RBFOX1: variants seen among roughly 807,000 people sequenced by gnomAD.
RBFOX1 encodes RNA binding fox-1 homolog 1.
RBFOX1 carries 8 observed loss-of-function variants against 57.7 expected under a neutral mutation model. The ratio of observed to expected loss-of-function variants is 0.14; its 90% CI spans 0.08 to 0.25. The LOEUF is 0.25. Ranked by LOEUF, RBFOX1 falls within the 10% of genes least tolerant of loss-of-function variation. The pLI is 1.00. For missense variants in RBFOX1, 611 were observed against 548.5 expected (o/e 1.11, Z -1.14); for synonymous variants, 326 against 222.4 (o/e 1.47, Z -4.15).
intron 3 of RBFOX1, among the ~76,000 whole-genome samples, chr16:7,005,944 G>A (rs892135452): frequency 6.6e-6 from 1 of 152,124 alleles, no homozygotes; most frequent in Non-Finnish European, 1.5e-5. Context: ...CCAGAGAAAA[G>A]CCCCAATTCT....
intron 3 of RBFOX1, among the ~76,000 whole-genome samples, chr16:6,750,409 A>C (rs1294723970): frequency 6.6e-6 from 1 of 152,228 alleles, no homozygotes; most frequent in Non-Finnish European, 1.5e-5. Context: ...GCAGAAGCTG[A>C]AACCAGGGTG....
chr16:6,794,466 A>G (rs889242532), intron 3 of RBFOX1, among the ~76,000 whole-genome samples: 2 of 151,928 alleles, frequency 1.3e-5, no homozygotes, highest in African/African-American at 4.8e-5. Flanking sequence ...GATGGGAGAG[A>G]AGTTTCCTTT....
rs192770160 is a variant in RBFOX1, at chr16:7,149,284, A to C, written c.27+97186A>C. Among the ~76,000 whole-genome samples, 302 of 152,046 alleles carry C rather than the reference A, an allele frequency of 2.0e-3. 3 individuals carry two copies. The highest frequency in any genetic ancestry group is 6.8e-3 in the African/African-American group (281 of 41,498). On this transcript the variant is annotated intron_variant, in intron 4 of 15. Coordinates refer to ENST00000550418, the MANE Select transcript of RBFOX1 (RefSeq NM_018723.4). ...TTGCAATATGACTGTTTGCTTGTTA[A>C]GGAGTTGGCAGTAGTCATACCACTC...
Position 7,136,816 on chromosome 16 carries a change from A to G in RBFOX1, c.27+84718A>G, listed in dbSNP as rs2072143337. On this transcript the variant is annotated intron_variant, in intron 4 of 15. Transcript: ENST00000550418. ...GGGCATTCTAAATTCTGATATGGCA[A>G]CAAAAATCTCTGTACCAGAGGGGTT... 2.0e-5 allele frequency among the ~76,000 whole-genome samples: 3 copies of G among 152,236 alleles called. No homozygotes were observed. The South Asian group carries it at 6.2e-4, about 32-fold the overall frequency.
chr16:6,273,691 G>T (rs1395875928), intron 1 of RBFOX1, among the ~76,000 whole-genome samples: 2 of 151,990 alleles, frequency 1.3e-5, no homozygotes, highest in African/African-American at 4.8e-5. Context: ...ATAAAGAAAA[G>T]AAAATGATAA....
At chr16:7,180,837 A>AT (rs1184477418) in intron 4 of RBFOX1, among the ~76,000 whole-genome samples, 1 of 152,132 alleles carries the variant, frequency 6.6e-6, no homozygotes, top group East Asian at 1.9e-4. Flanking sequence ...CAGATTTAGG[A>AT]TTTTATGCTT....
chr16:7,269,311 A>T (rs1434320886), intron 4 of RBFOX1, among the ~76,000 whole-genome samples: 1 of 152,180 alleles, frequency 6.6e-6, no homozygotes, highest in Non-Finnish European at 1.5e-5. Context: ...TGTTTAGAAA[A>T]GCAACATATG....
At chr16:7,468,848 G>C (rs539732433) in intron 4 of RBFOX1, among the ~76,000 whole-genome samples, 7 of 152,244 alleles carry the variant, frequency 4.6e-5, no homozygotes, top group African/African-American at 1.7e-4. Flanking sequence ...AGAGTCAAGG[G>C]TGGGGAGGTT....
At chr16:6,185,120 G>C (rs1206145630) in intron 1 of RBFOX1, among the ~76,000 whole-genome samples, 1 of 152,050 alleles carries the variant, frequency 6.6e-6, no homozygotes, top group Non-Finnish European at 1.5e-5. Context: ...CCTTCTTATG[G>C]ATGGCATTAG....
At chr16:6,709,228 A>G (rs914334802) in intron 3 of RBFOX1, among the ~76,000 whole-genome samples, 1 of 152,184 alleles carries the variant, frequency 6.6e-6, no homozygotes, top group Admixed American at 6.5e-5. Flanking sequence ...AACCCACTGA[A>G]TTACTGCTGC....
At chr16:6,996,946 T>A (rs945558244) in intron 3 of RBFOX1, among the ~76,000 whole-genome samples, 1 of 152,168 alleles carries the variant, frequency 6.6e-6, no homozygotes, top group Non-Finnish European at 1.5e-5. Flanking sequence ...GAATTTTTAA[T>A]AAATTATCAA....
intron 13 of RBFOX1, among the ~76,000 whole-genome samples, chr16:7,668,648 GAGAAC>G (rs533463035): frequency 9.7e-4 from 140 of 144,778 alleles, no homozygotes; most frequent in Non-Finnish European, 1.9e-3. Context: ...CCTTCTACCT[GAGAAC>G]AGAACAGAAC....
intron 3 of RBFOX1, among the ~76,000 whole-genome samples, chr16:7,007,630 A>G (rs913608789): frequency 2.6e-5 from 4 of 152,184 alleles, no homozygotes; most frequent in Admixed American, 2.0e-4. Flanking sequence ...CTTTCAATGT[A>G]AATGTACGTT....
intron 2 of RBFOX1, among the ~76,000 whole-genome samples, chr16:6,575,773 C>G (rs1399212935): frequency 6.6e-6 from 1 of 151,628 alleles, no homozygotes; most frequent in African/African-American, 2.4e-5. Flanking sequence ...AGGAGAATCG[C>G]TTGAACCCAG....
chr16:7,184,461 G>T (rs1327881543), intron 4 of RBFOX1, among the ~76,000 whole-genome samples: 2 of 152,214 alleles, frequency 1.3e-5, no homozygotes, highest in African/African-American at 4.8e-5. Flanking sequence ...CTGTTCATCT[G>T]CATTGCATGC....
intron 2 of RBFOX1, among the ~76,000 whole-genome samples, chr16:6,412,484 T>C (rs1445387686): frequency 6.6e-6 from 1 of 152,226 alleles, no homozygotes; most frequent in Non-Finnish European, 1.5e-5. Context: ...ATGATCATCC[T>C]ATAAAAGTTA....
chr16:6,561,585 A>G (rs1443991319), intron 2 of RBFOX1, among the ~76,000 whole-genome samples: 1 of 152,226 alleles, frequency 6.6e-6, no homozygotes, highest in Non-Finnish European at 1.5e-5. Context: ...GTTGTCATGT[A>G]GAACAAACCA....
intron 1 of RBFOX1, among the ~76,000 whole-genome samples, chr16:5,456,095 T>C (rs1266515267): frequency 6.6e-6 from 1 of 152,084 alleles, no homozygotes; most frequent in Admixed American, 6.5e-5. Context: ...GATAATATTA[T>C]GGCATATATC....
At chr16:7,018,072 C>T (rs1038231288) in intron 3 of RBFOX1, among the ~76,000 whole-genome samples, 4 of 152,074 alleles carry the variant, frequency 2.6e-5, no homozygotes, top group African/African-American at 9.7e-5. Context: ...CTCCAGCCAA[C>T]CTGCATGTAC....
Sources: gnomAD v4.1 joint callset for allele counts (sites outside exome capture counted in the v4.1 genomes callset) on GRCh38, gnomAD v4.1.1 for gene constraint, MANE v1.5 for transcripts, NCBI Gene and HGNC (gene_info 2026-07-23, HGNC 2026-07-21) for gene names.